The following LRP5 variants were observed in gnomAD, a reference collection of about 807,000 sequenced individuals.
The protein encoded by LRP5 is LDL receptor related protein 5.
A neutral mutation model predicts 154.1 loss-of-function variants in LRP5; 62 were observed. That is an observed-to-expected ratio of 0.40 (90% CI 0.33 to 0.50). The LOEUF (loss-of-function observed/expected upper bound fraction) is 0.50. LRP5 is among the 20% of genes least tolerant of loss of function. LRP5 has a pLI of 0.55. For missense variants in LRP5, 1,915 were observed against 2,336.7 expected, an observed-to-expected ratio of 0.82 and a Z score of 3.72; for synonymous variants, 966 against 1,011.5, an observed-to-expected ratio of 0.96 and a Z score of 0.85.
rs1270608240 is a variant in LRP5, at chr11:68,406,625, A to G, written c.1903A>G (p.Ser635Gly). 6.2e-7 allele frequency: 1 copy of G among 1,614,010 alleles called. No individual in the cohort carries two copies. Among genetic ancestry groups the G allele is most frequent in the Non-Finnish European group, 8.5e-7 (1 of 1,180,050 alleles). Reference protein sequence around the residue: ...CGCPIGLELLSDMKTCIVPEA... With the variant: ...CGCPIGLELLGDMKTCIVPEA... The stretch of plus-strand genomic sequence containing the variant: ...CTGCCCCATCGGCCTGGAGCTGCTG[A>G]GTGACATGAAGACCTGCATCGTGCC... The change falls in exon 9 of 23, where the codon AGT (serine) becomes GGT (glycine). Residue 635 changes from serine (S) to glycine (G), a missense_variant. Physicochemically the swap from Ser to Gly is moderately conservative, Grantham distance 56. This residue lies in a region of LRP5 where 773 missense variants were observed against 1,100.9 expected (regional missense o/e 0.70). Transcript: ENST00000294304.
chr11:68,442,947 G>A (rs1340498037), intron 21 of LRP5, among the ~76,000 whole-genome samples: 1 of 152,130 alleles, frequency 6.6e-6, no homozygotes, highest in African/African-American at 2.4e-5. Context: ...AGCACTCCTT[G>A]TCAGGCGTGG....
At position 68,319,821 on chromosome 11, in the gene LRP5, A is replaced by G. The variant is rs557120201; in HGVS notation, c.91+7016A>G. On this transcript the variant is annotated intron_variant, in intron 1 of 22. Transcript: ENST00000294304. ...TCTCTGCATGTGTATAAGTGTTTTT[A>G]TAGGATACATTCCTAGTCAAAGAGT... is the stretch of plus-strand genomic sequence containing the variant. 5.9e-4 allele frequency among the ~76,000 whole-genome samples: 90 copies of G among 152,286 alleles called. 2 individuals carry two copies. In the South Asian group the frequency reaches 0.018, roughly 30 times the overall value.
intron 10 of LRP5, among the ~76,000 whole-genome samples, chr11:68,410,783 A>T (rs1170281527): frequency 6.6e-6 from 1 of 152,166 alleles, no homozygotes; most frequent in Non-Finnish European, 1.5e-5. Context: ...TGTGGTGGAC[A>T]CAGTGCTCAC....
chr11:68,350,984 A>G (rs940038887), intron 2 of LRP5, among the ~76,000 whole-genome samples: 34 of 151,778 alleles, frequency 2.2e-4, no homozygotes, highest in African/African-American at 8.0e-4. Flanking sequence ...GTGAGTGGAT[A>G]TTTGTGTGTG....
chr11:68,372,211 C>T (rs1020025000), intron 5 of LRP5, among the ~76,000 whole-genome samples: 10 of 151,958 alleles, frequency 6.6e-5, no homozygotes, highest in South Asian at 2.1e-4. Context: ...CAGGCAGACC[C>T]GGGACCGTGG....
intron 6 of LRP5, among the ~76,000 whole-genome samples, chr11:68,389,646 A>C (rs2153155182): frequency 6.6e-6 from 1 of 150,594 alleles, no homozygotes; most frequent in East Asian, 2.0e-4. Flanking sequence ...ACTGACATCT[A>C]CTGATACTGG....
chr11:68,363,965 G>A, intron 4 of LRP5, 22 bp downstream of exon 4: 1 of 1,557,052 alleles, frequency 6.4e-7, no homozygotes, highest in Middle Eastern at 2.2e-4. Context: ...CTGGGGCGCG[G>A]GGGCGAGGGT....
chr11:68,438,581 CG>C lies in LRP5; in HGVS notation c.4252del (p.Ala1418ProfsTer21), dbSNP rs1565116969. ...VCQRVVCQRY[A>X]GANGPFPHEY... Reference sequence around the variant, plus strand: ...CAGCGCGTGGTGTGCCAGCGCTATGCGGGGGCCAACGGGCCCTTCCCGCACG... The same window carrying C: ...CAGCGCGTGGTGTGCCAGCGCTATGCGGGGCCAACGGGCCCTTCCCGCACG... On this transcript the variant is annotated frameshift_variant, in exon 20 of 23. Transcript: ENST00000294304. LOFTEE classifies it high-confidence loss of function. 1 of 1,613,936 alleles carries C rather than the reference CG, an allele frequency of 6.2e-7. No homozygotes were observed. Among genetic ancestry groups the C allele is most frequent in the African/African-American group, 1.3e-5 (1 of 74,954 alleles).
chr11:68,407,095 G>A (rs981669469), intron 9 of LRP5, among the ~76,000 whole-genome samples: 26 of 152,024 alleles, frequency 1.7e-4, no homozygotes, highest in East Asian at 1.5e-3. Context: ...CTCCCTTGTC[G>A]GTGCCCGTTT....
At chr11:68,389,806 C>G (rs1000441559) in intron 6 of LRP5, 75 bp from the exon 7 acceptor site, 41 of 1,524,886 alleles carry the variant, frequency 2.7e-5, no homozygotes, top group Non-Finnish European at 3.6e-5. Flanking sequence ...TGGGGGCAGG[C>G]CTTGCTCTTG....
intron 13 of LRP5, among the ~76,000 whole-genome samples, chr11:68,421,718 G>GTGTGTA (rs1388456528): frequency 1.2e-4 from 17 of 139,128 alleles, no homozygotes; most frequent in Admixed American, 3.7e-4. Flanking sequence ...GTGTGTGTGT[G>GTGTGTA]TGTGTGGTGT....
chr11:68,400,511 G>A (rs770656282), intron 7 of LRP5, among the ~76,000 whole-genome samples: 4 of 151,972 alleles, frequency 2.6e-5, no homozygotes, highest in East Asian at 1.9e-4. Flanking sequence ...ACCTGAGGTC[G>A]GGAGTTTGTG....
At chr11:68,409,073 A>AAAAAAATATATATAT (rs2098657548) in intron 9 of LRP5, among the ~76,000 whole-genome samples, 1 of 44,188 alleles carries the variant, frequency 2.3e-5, no homozygotes, top group African/African-American at 1.3e-4. Flanking sequence ...AAAAAAAAAA[A>AAAAAAATATATATAT]ATATATATAT....
chr11:68,383,164 C>T (rs1321885124), intron 5 of LRP5, among the ~76,000 whole-genome samples: 2 of 152,182 alleles, frequency 1.3e-5, no homozygotes, highest in African/African-American at 2.4e-5. Flanking sequence ...AAGCATGAGC[C>T]ACCGCGCCCG....
chr11:68,356,811 C>T (rs2098623542), intron 2 of LRP5, among the ~76,000 whole-genome samples: 1 of 152,190 alleles, frequency 6.6e-6, no homozygotes, highest in Admixed American at 6.5e-5. Flanking sequence ...GCTTTACTGT[C>T]TCTGTGTATT....
intron 19 of LRP5, 24 bp downstream of exon 19, chr11:68,437,023 A>G (rs2098675419): frequency 1.2e-6 from 2 of 1,600,436 alleles, no homozygotes; most frequent in East Asian, 2.2e-5. Context: ...TGGCACGGGG[A>G]AGGGGCGTCC....
chr11:68,337,475 C>CT (rs1251529430), intron 1 of LRP5, among the ~76,000 whole-genome samples: 1 of 152,154 alleles, frequency 6.6e-6, no homozygotes. Context: ...GGGATCAGGC[C>CT]TGGGCATGCT....
chr11:68,396,978 G>T (rs1009668554), intron 7 of LRP5, among the ~76,000 whole-genome samples: 1 of 152,174 alleles, frequency 6.6e-6, no homozygotes, highest in Admixed American at 6.5e-5. Flanking sequence ...TCTTCTCACC[G>T]TTTTTCCAGC....
Position 68,386,838 on chromosome 11 carries a change from A to G in LRP5, c.1412+126A>G. On this transcript the variant is annotated intron_variant, in intron 6 of 22. Transcript: ENST00000294304. The surrounding 1 kb of genome is among the most constrained non-coding windows in gnomAD (Gnocchi z 7.9). ...CAGAACCCGGAGGAGGGCTTGTTAA[A>G]ACACCGGCAGCTGGGCCCCACCCCC... 4 of 1,149,820 alleles carry G rather than the reference A, an allele frequency of 3.5e-6. No homozygotes were observed. Among genetic ancestry groups the G allele is most frequent in the South Asian group, 3.2e-5 (2 of 62,678 alleles). The allele number at this position is 1,149,820 out of a possible 1,614,324, so 71.2% of individuals were successfully genotyped here. A position where few individuals can be genotyped will look rare whatever the true frequency, so the allele number is the denominator to read the frequency against.
Sources: gnomAD v4.1 joint callset for allele counts (sites outside exome capture counted in the v4.1 genomes callset) on GRCh38, gnomAD v4.1.1 for gene constraint, gnomAD v4.1.1 regional missense constraint, Gnocchi (gnomAD v3.1) non-coding constraint, MANE v1.5 for transcripts, NCBI Gene and HGNC (gene_info 2026-07-23, HGNC 2026-07-21) for gene names.